The following TMEM260 variants were observed in gnomAD, a reference collection of about 807,000 sequenced individuals.
The protein encoded by TMEM260 is protein O-mannosyl-transferase TMEM260.
In TMEM260, 82 loss-of-function variants were observed where a neutral mutation model predicts 88.9. That is an observed-to-expected ratio of 0.92 (90% CI 0.77 to 1.11). The LOEUF (loss-of-function observed/expected upper bound fraction) is 1.11. Among genes scored for constraint, TMEM260 ranks in the 50% least tolerant of loss-of-function variants. The probability of loss-of-function intolerance (pLI) is 0.00; values close to 1 mark genes in which losing one functional copy is unlikely to be tolerated. For synonymous variants in TMEM260, 314 were observed against 309.3 expected, an observed-to-expected ratio of 1.02 and a Z score of -0.16; for missense variants, 902 against 853.4, an observed-to-expected ratio of 1.06 and a Z score of -0.71.
chr14:56,621,700 G>A lies in TMEM260; in HGVS notation c.1396G>A (p.Glu466Lys). ...LRPDISLVDQ[E>K]MMTYEWYLPK... Reference sequence around the variant, plus strand: ...GCCTGACATTTCATTAGTGGATCAGGAAGTAAGTATATGAAAAATATACTT... The same window carrying A: ...GCCTGACATTTCATTAGTGGATCAGAAAGTAAGTATATGAAAAATATACTT... The change falls in exon 11 of 16, where the codon GAA becomes AAA. Residue 466 changes from glutamate to lysine, a missense_variant and splice_region_variant. Coordinates refer to ENST00000261556, the MANE Select transcript of TMEM260 (RefSeq NM_017799.4). 1 of 1,601,942 alleles carries A rather than the reference G, an allele frequency of 6.2e-7. No homozygotes were observed. Among genetic ancestry groups the A allele is most frequent in the Middle Eastern group, 1.7e-4 (1 of 5,994 alleles).
intron 3 of TMEM260, among the ~76,000 whole-genome samples, chr14:56,596,243 C>G (rs2139528310): frequency 6.6e-6 from 1 of 151,838 alleles, no homozygotes; most frequent in Non-Finnish European, 1.5e-5. Flanking sequence ...ACATTGAGGT[C>G]ATTAGAAACC....
the TMEM260 span, among the ~76,000 whole-genome samples, chr14:56,660,622 G>T: frequency 6.6e-6 from 1 of 152,198 alleles, no homozygotes; most frequent in African/African-American, 2.4e-5. Flanking sequence ...TTCTGGAGGG[G>T]CTAACTGGTA....
intron 15 of TMEM260, among the ~76,000 whole-genome samples, chr14:56,641,299 A>G (rs1230858400): frequency 2.0e-5 from 3 of 152,228 alleles, no homozygotes; most frequent in African/African-American, 7.2e-5. Flanking sequence ...GAAGCCCATC[A>G]GACTAACAGC....
At chr14:56,594,369 T>A (rs1886080225) in intron 3 of TMEM260, among the ~76,000 whole-genome samples, 2 of 152,348 alleles carry the variant, frequency 1.3e-5, no homozygotes, top group Admixed American at 1.3e-4. Flanking sequence ...ATAATCAATT[T>A]CAGTGGGAAC....
rs749821794 is a variant in TMEM260 at position 56,604,008 on chromosome 14, C to A, written c.522+16C>A. On this transcript the variant is annotated intron_variant, in intron 4 of 15. Transcript: ENST00000261556. ...GAGATCAAAGGTAACCTATTTTGAT[C>A]AAAGTGAAATCAGTTTTTGTTTTAA... is the stretch of plus-strand genomic sequence containing the variant. 2 of 1,516,996 alleles carry A rather than the reference C, an allele frequency of 1.3e-6. No homozygotes were observed. Among genetic ancestry groups the A allele is most frequent in the South Asian group, 2.7e-5 (2 of 74,470 alleles). 94.0% of individuals were successfully genotyped at this position (1,516,996 alleles called of 1,614,324 possible).
intron 9 of TMEM260, among the ~76,000 whole-genome samples, chr14:56,618,303 T>C (rs909047820): frequency 1.3e-5 from 2 of 152,198 alleles, no homozygotes; most frequent in Admixed American, 6.5e-5. Context: ...AAAGCATTTC[T>C]CTAACTCCTT....
At chr14:56,650,006 T>C (rs1229208266), downstream of TMEM260, 4 of 422,936 alleles carry the variant, frequency 9.5e-6, no homozygotes, top group Admixed American at 5.7e-5. Context: ...GGAGAATCCT[T>C]TCCTTTCTAT....
chr14:56,600,658 A>G (rs1426661974), intron 3 of TMEM260, among the ~76,000 whole-genome samples: 1 of 152,208 alleles, frequency 6.6e-6, no homozygotes, highest in Non-Finnish European at 1.5e-5. Context: ...TAGGATGGCT[A>G]GAATTAAAAA....
chr14:56,591,057 T>C (rs953754338), intron 3 of TMEM260, among the ~76,000 whole-genome samples: 3 of 152,210 alleles, frequency 2.0e-5, no homozygotes, highest in African/African-American at 7.2e-5. Flanking sequence ...GCTGCATAAT[T>C]TCTAATAAGT....
intron 11 of TMEM260, among the ~76,000 whole-genome samples, 162 bp from the exon 12 acceptor site, chr14:56,625,217 TAAA>T (rs1206591165): frequency 6.6e-6 from 1 of 152,206 alleles, no homozygotes; most frequent in Non-Finnish European, 1.5e-5. Context: ...TTTACATCAC[TAAA>T]AAAGTAATCA....
chr14:56,618,481 G>C (rs1418093978), intron 9 of TMEM260, 113 bp from the exon 10 acceptor site: 1 of 947,370 alleles, frequency 1.1e-6, no homozygotes, highest in African/African-American at 1.7e-5. Flanking sequence ...AAACCTGAAT[G>C]ACAACAGGCA....
rs907150393 is a variant in TMEM260 at position 56,596,385 on chromosome 14, T to A, written c.345-7430T>A. Among the ~76,000 whole-genome samples, 158 of 119,732 alleles carry A rather than the reference T, an allele frequency of 1.3e-3. 1 individual carries two copies. Among genetic ancestry groups the A allele is most frequent in the African/African-American group, 4.7e-3 (140 of 29,746 alleles). The allele number at this position is 119,732 out of a possible 152,430, so 78.5% of individuals were successfully genotyped here. A position where few individuals can be genotyped will look rare whatever the true frequency, so the allele number is the denominator to read the frequency against. ...ACACACACATATATATGTGAGAGTG[T>A]GTGTGTGTGTGTGTGTGTGTGTATA... On this transcript the variant is annotated intron_variant, in intron 3 of 15. Transcript: ENST00000261556.
chr14:56,629,141 C>T (rs1273688909), intron 12 of TMEM260, among the ~76,000 whole-genome samples: 1 of 152,102 alleles, frequency 6.6e-6, no homozygotes, highest in African/African-American at 2.4e-5. Flanking sequence ...AGTGATCCAT[C>T]TGCCTTGGCC....
At chr14:56,649,666 C>T (rs1469586217), downstream of TMEM260, among the ~76,000 whole-genome samples, 1 of 152,108 alleles carries the variant, frequency 6.6e-6, no homozygotes, top group Non-Finnish European at 1.5e-5. Flanking sequence ...GTTATATTTC[C>T]TATTAGTAGC....
chr14:56,633,295 T>C, intron 13 of TMEM260, 124 bp downstream of exon 13: 1 of 701,986 alleles, frequency 1.4e-6, no homozygotes, highest in African/African-American at 1.8e-5. Flanking sequence ...TGTTACTTGC[T>C]ACCCACAAAA....
chr14:56,646,403 C>T (rs1889969719), intron 15 of TMEM260, among the ~76,000 whole-genome samples: 1 of 152,184 alleles, frequency 6.6e-6, no homozygotes, highest in South Asian at 2.1e-4. Context: ...CCTGTGAATA[C>T]AGCTCTAACT....
intron 10 of TMEM260, among the ~76,000 whole-genome samples, chr14:56,619,110 T>A (rs1363225299): frequency 2.0e-5 from 3 of 152,204 alleles, no homozygotes; most frequent in Non-Finnish European, 4.4e-5. Context: ...ATTTAGAGTT[T>A]TTTGTATACC....
rs1242751866 is a variant in TMEM260, at chr14:56,615,920, A to T, written c.858-24A>T. ...TCAATCAAATTTGTTTCCTGCCAAC[A>T]ATAAGTTAGATTGTTTTTTGCAGTT... is the stretch of plus-strand genomic sequence containing the variant. On this transcript the variant is annotated intron_variant, in intron 7 of 15. Coordinates refer to ENST00000261556, the MANE Select transcript of TMEM260 (RefSeq NM_017799.4). The T allele has an allele frequency of 1.9e-6, 3 of 1,554,012 alleles. No homozygotes were observed. In the Admixed American group the frequency reaches 5.0e-5, roughly 26 times the overall value.
intron 2 of TMEM260, 103 bp downstream of exon 2, chr14:56,585,135 A>AC: frequency 4.6e-6 from 5 of 1,097,642 alleles, no homozygotes; most frequent in South Asian, 1.5e-5. Context: ...TTATTTTCAA[A>AC]CCCCCGTTTT....
Sources: gnomAD v4.1 joint callset for allele counts (sites outside exome capture counted in the v4.1 genomes callset) on GRCh38, gnomAD v4.1.1 for gene constraint, MANE v1.5 for transcripts, NCBI Gene and HGNC (gene_info 2026-07-23, HGNC 2026-07-21) for gene names.